Variants in PARD3B observed in about 807,000 individuals in gnomAD.
The protein encoded by PARD3B is partitioning defective 3 homolog B.
Under a neutral mutation model 130.2 loss-of-function variants are expected in PARD3B, and 103 were observed. That is an observed-to-expected ratio of 0.79 (90% CI 0.67 to 0.93). The LOEUF is 0.93. PARD3B is among the 40% of genes least tolerant of loss of function. PARD3B has a pLI of 0.00. For synonymous variants in PARD3B, 583 were observed against 553.2 expected (o/e 1.05, Z -0.76); for missense variants, 1,609 against 1,499.2 (o/e 1.07, Z -1.21).
intron 2 of PARD3B, among the ~76,000 whole-genome samples, chr2:204,779,309 G>C (rs1450205930): frequency 6.6e-6 from 1 of 152,060 alleles, no homozygotes; most frequent in African/African-American, 2.4e-5. Flanking sequence ...CAAGTCCTCA[G>C]TGCAGTGTCT....
intron 21 of PARD3B, among the ~76,000 whole-genome samples, chr2:205,531,529 C>T (rs996768370): frequency 2.0e-5 from 3 of 152,040 alleles, no homozygotes; most frequent in Non-Finnish European, 4.4e-5. Flanking sequence ...TAGTTTCCCT[C>T]CATGGATAAG....
At chr2:204,882,352 C>A (rs1166207501) in intron 2 of PARD3B, among the ~76,000 whole-genome samples, 3 of 152,116 alleles carry the variant, frequency 2.0e-5, no homozygotes, top group Admixed American at 1.3e-4. Context: ...TAGATTACCT[C>A]TTTTGGAGGA....
chr2:205,173,745 C>T (rs908213458), intron 12 of PARD3B, among the ~76,000 whole-genome samples: 7 of 152,114 alleles, frequency 4.6e-5, no homozygotes, highest in Non-Finnish European at 5.9e-5. Flanking sequence ...TGACAGTGTT[C>T]CATAAATATT....
chr2:205,082,332 A>C (rs1478592039), intron 4 of PARD3B, among the ~76,000 whole-genome samples: 1 of 152,184 alleles, frequency 6.6e-6, no homozygotes, highest in Non-Finnish European at 1.5e-5. Context: ...TCACACACCT[A>C]TGATAAAGCA....
chr2:204,781,473 A>C (rs1326450054), intron 2 of PARD3B, among the ~76,000 whole-genome samples: 1 of 152,124 alleles, frequency 6.6e-6, no homozygotes, highest in Non-Finnish European at 1.5e-5. Context: ...GTCTGTTTCC[A>C]CAATTGACTG....
intron 4 of PARD3B, among the ~76,000 whole-genome samples, chr2:205,083,824 T>C (rs965602752): frequency 6.6e-6 from 1 of 152,110 alleles, no homozygotes; most frequent in African/African-American, 2.4e-5. Context: ...AAAAATAGAT[T>C]AGTATAATGA....
intron 22 of PARD3B, among the ~76,000 whole-genome samples, chr2:205,577,612 A>G (rs2053808114): frequency 6.6e-6 from 1 of 152,270 alleles, no homozygotes. Flanking sequence ...GAAAGAGTAC[A>G]TGGGTAACAT....
intron 3 of PARD3B, among the ~76,000 whole-genome samples, chr2:204,988,514 TA>T (rs1208960351): frequency 6.6e-6 from 1 of 152,194 alleles, no homozygotes; most frequent in Admixed American, 6.5e-5. Context: ...ACACAAAGGA[TA>T]AATACTTGAG....
At chr2:205,201,724 C>A (rs2037000905) in intron 15 of PARD3B, among the ~76,000 whole-genome samples, 1 of 152,168 alleles carries the variant, frequency 6.6e-6, no homozygotes, top group Non-Finnish European at 1.5e-5. Flanking sequence ...GTAATCCCAG[C>A]TACTTGGGAG....
chr2:204,650,606 A>T (rs779603680), intron 1 of PARD3B, among the ~76,000 whole-genome samples: 1 of 152,308 alleles, frequency 6.6e-6, no homozygotes, highest in Non-Finnish European at 1.5e-5. Context: ...AGGAACATGG[A>T]TGGAGTAGGA....
chr2:205,546,582 C>A (rs1226347207), intron 21 of PARD3B, among the ~76,000 whole-genome samples: 1 of 152,124 alleles, frequency 6.6e-6, no homozygotes, highest in Non-Finnish European at 1.5e-5. Context: ...GAGAAGTGAG[C>A]TTATAAATGC....
In PARD3B at chr2:205,300,881, T is replaced by C. The variant is rs1023262473; in HGVS notation, c.2392+145T>C. 2.3e-5 allele frequency: 22 copies of C among 971,484 alleles called. No individual in the cohort carries two copies. The Admixed American group carries it at 5.2e-4, about 23-fold the overall frequency. 60.2% of individuals were successfully genotyped at this position (971,484 alleles called of 1,614,324 possible). On this transcript the variant is annotated intron_variant, in intron 17 of 22. Transcript: ENST00000406610. The surrounding 1 kb of genome is among the most constrained non-coding windows in gnomAD (Gnocchi z 4.1). ...TATTAAAAGTAATTCATTTTCCTGA[T>C]ATGTTTTGCCCTTTGGCTTAATGAA...
At chr2:205,238,886 GTATA>G (rs372313084) in intron 15 of PARD3B, among the ~76,000 whole-genome samples, 3,149 of 92,094 alleles carry the variant, frequency 0.034, 173 homozygotes, top group African/African-American at 0.11. Context: ...ATGTATGTGT[GTATA>G]TATATATATA....
intron 2 of PARD3B, among the ~76,000 whole-genome samples, chr2:204,834,979 A>G (rs1278535114): frequency 6.6e-6 from 1 of 152,180 alleles, no homozygotes; most frequent in Non-Finnish European, 1.5e-5. Flanking sequence ...GTCACCACTT[A>G]CCTTGTTCAT....
chr2:204,889,469 A>G (rs887118116), intron 2 of PARD3B, among the ~76,000 whole-genome samples: 1 of 152,152 alleles, frequency 6.6e-6, no homozygotes, highest in Non-Finnish European at 1.5e-5. Context: ...ATTATTCTCA[A>G]TTTATTAAGA....
chr2:204,783,888 C>G (rs2041922736), intron 2 of PARD3B, among the ~76,000 whole-genome samples: 1 of 151,970 alleles, frequency 6.6e-6, no homozygotes, highest in African/African-American at 2.4e-5. Context: ...GATGAGATTT[C>G]TTTTGGCTTT....
intron 10 of PARD3B, among the ~76,000 whole-genome samples, chr2:205,152,391 T>A (rs1056693807): frequency 2.6e-5 from 4 of 152,330 alleles, no homozygotes; most frequent in African/African-American, 7.2e-5. Flanking sequence ...CACTTTCAGG[T>A]ATACCAATCA....
chr2:205,164,658 G>A (rs2034698493), intron 11 of PARD3B, among the ~76,000 whole-genome samples: 1 of 151,420 alleles, frequency 6.6e-6, no homozygotes, highest in Non-Finnish European at 1.5e-5. Flanking sequence ...TGTCTCAGTG[G>A]GCTTGAAAAA....
At position 205,203,707 on chromosome 2, in the gene PARD3B, G is replaced by A. The variant is rs192811302; in HGVS notation, c.2140+10387G>A. 1.2e-4 allele frequency among the ~76,000 whole-genome samples: 18 copies of A among 152,226 alleles called. No individual in the cohort carries two copies. In the East Asian group the frequency reaches 3.3e-3, roughly 28 times the overall value. ...TATGAGTGAGAACATGCGGTATTTA[G>A]TTTTCTGTTCCTGTGTTAGTTTGCT... On this transcript the variant is annotated intron_variant, in intron 15 of 22. Transcript: ENST00000406610.
Sources: allele counts gnomAD v4.1 joint callset (sites outside exome capture counted in the v4.1 genomes callset), GRCh38; gene constraint gnomAD v4.1.1; non-coding constraint Gnocchi (gnomAD v3.1); transcripts MANE v1.5; gene names NCBI Gene and HGNC (gene_info 2026-07-23, HGNC 2026-07-21).